Variants in SSH1 observed in about 807,000 individuals in gnomAD.
SSH1 encodes the protein slingshot protein phosphatase 1, also known as protein phosphatase Slingshot homolog 1.
In SSH1, 43 loss-of-function variants were observed where a neutral mutation model predicts 79.7. The observed-to-expected ratio is 0.54, with a 90% CI of 0.42 to 0.70. The LOEUF (loss-of-function observed/expected upper bound fraction) is 0.70, where lower values mean the gene tolerates loss of function less well. Among genes scored for constraint, SSH1 ranks in the 30% least tolerant of loss-of-function variants. The pLI is 0.00. For synonymous variants in SSH1, 599 were observed against 538.3 expected (o/e 1.11, Z -1.56); for missense variants, 1,206 against 1,358.8 (o/e 0.89, Z 1.77).
Position 108,792,504 on chromosome 12 carries a change from G to A in SSH1, c.1675C>T (p.Gln559Ter). The A allele has an allele frequency of 6.2e-7, 1 of 1,614,182 alleles. No individual in the cohort carries two copies. Among genetic ancestry groups the A allele is most frequent in the Non-Finnish European group, 8.5e-7 (1 of 1,180,034 alleles). Residue 559 changes from glutamine to a stop codon, truncating the protein, a stop_gained, in exon 14 of 15, where the codon CAA becomes TAA. Transcript: ENST00000326495. LOFTEE classifies it high-confidence loss of function. ...EVHRPARQPQ[Q>*]GSGLCEKDVK... Reference sequence around the variant, plus strand: ...TCCTTCTCACAGAGTCCGGAACCTTGCTGGGGCTGTCTGGCCGGCCTGTGC... The same window carrying A: ...TCCTTCTCACAGAGTCCGGAACCTTACTGGGGCTGTCTGGCCGGCCTGTGC...
At chr12:108,851,895 C>G (rs932270054) in intron 2 of SSH1, among the ~76,000 whole-genome samples, 1 of 151,772 alleles carries the variant, frequency 6.6e-6, no homozygotes, top group African/African-American at 2.4e-5. Flanking sequence ...GAAGAATAGT[C>G]TGCAAGAAAA....
chr12:108,786,271 G>A lies in SSH1; in HGVS notation c.*1717C>T, dbSNP rs188602392. The A allele has an allele frequency of 6.6e-6, 1 of 152,280 alleles. No homozygotes were observed. The highest frequency in any genetic ancestry group is 1.5e-5 in the Non-Finnish European group (1 of 68,066). 9.4% of individuals were successfully genotyped at this position (152,280 alleles called of 1,614,324 possible). A position where few individuals can be genotyped will look rare whatever the true frequency, so the allele number is the denominator to read the frequency against. On this transcript the variant is annotated 3_prime_UTR_variant, in exon 15 of 15. Transcript: ENST00000326495. ...CTGAGGGCAAGATGGAATTGTGGAA[G>A]AGCTTCAGCCAACTGTGTTCACCTG...
At chr12:108,797,765 C>T (rs1298670459) in intron 13 of SSH1, among the ~76,000 whole-genome samples, 4 of 152,204 alleles carry the variant, frequency 2.6e-5, no homozygotes, top group Non-Finnish European at 5.9e-5. Context: ...CTGCTTTCAT[C>T]ACTCAGTAAA....
At chr12:108,852,404 G>A (rs2039060518) in intron 2 of SSH1, among the ~76,000 whole-genome samples, 1 of 151,728 alleles carries the variant, frequency 6.6e-6, no homozygotes, top group Non-Finnish European at 1.5e-5. Context: ...AATTTTTTCT[G>A]TTTTTTTAGT....
chr12:108,814,342 T>C (rs1295103554), intron 5 of SSH1, among the ~76,000 whole-genome samples: 1 of 150,858 alleles, frequency 6.6e-6, no homozygotes, highest in Non-Finnish European at 1.5e-5. Flanking sequence ...GTAATGCTTG[T>C]CTCTTCCTTT....
At chr12:108,832,592 G>A (rs568029286) in intron 2 of SSH1, among the ~76,000 whole-genome samples, 2 of 152,304 alleles carry the variant, frequency 1.3e-5, no homozygotes, top group Admixed American at 1.3e-4. Context: ...AAGATGTAAA[G>A]GAGATCGAAA....
intron 14 of SSH1, 64 bp downstream of exon 14, chr12:108,792,222 T>C: frequency 1.9e-6 from 3 of 1,611,546 alleles, no homozygotes; most frequent in Non-Finnish European, 2.5e-6. Flanking sequence ...GAGGCTGAGG[T>C]AGGCCAATTA....
chr12:108,788,263 C>A lies in SSH1; in HGVS notation c.2875G>T (p.Glu959Ter). Residue 959 changes from glutamate to a stop codon, truncating the protein, a stop_gained, in exon 15 of 15, where the codon GAG (glutamate) becomes TAG (stop). Transcript: ENST00000326495. LOFTEE classifies it low-confidence loss of function (END_TRUNC). Reference sequence around the variant, plus strand: ...AGGCCCGCCAGCCGGAGCCGGGTCTCAATCTCCTGTGTCCGCTGCTTCACC... The same window carrying A: ...AGGCCCGCCAGCCGGAGCCGGGTCTAAATCTCCTGTGTCCGCTGCTTCACC... ...GLVKQRTQEI[E>*]TRLRLAGLTV... The A allele has an allele frequency of 6.2e-7, 1 of 1,613,826 alleles. No homozygotes were observed. Among genetic ancestry groups the A allele is most frequent in the Non-Finnish European group, 8.5e-7 (1 of 1,180,020 alleles).
intron 2 of SSH1, among the ~76,000 whole-genome samples, chr12:108,839,863 G>T (rs2038733614): frequency 6.6e-6 from 1 of 152,154 alleles, no homozygotes; most frequent in Admixed American, 6.5e-5. Flanking sequence ...AGGAAGGGCT[G>T]GCACTGAAAA....
At position 108,819,805 on chromosome 12, in the gene SSH1, G is replaced by GA. The variant is rs1355932744; in HGVS notation, c.215-1493dup. 3.3e-5 allele frequency among the ~76,000 whole-genome samples: 5 copies of GA among 151,958 alleles called. No homozygotes were observed. In the South Asian group the frequency reaches 6.2e-4, roughly 19 times the overall value. Reference sequence around the variant, plus strand: ...ACGATAAGACCCTGTCTCTACAAAGGAAAAAAAATTACTCTATACATCACA... The same window carrying GA: ...ACGATAAGACCCTGTCTCTACAAAGGAAAAAAAAATTACTCTATACATCACA... On this transcript the variant is annotated intron_variant, in intron 3 of 14. Coordinates refer to ENST00000326495, the MANE Select transcript of SSH1 (RefSeq NM_018984.4).
intron 8 of SSH1, 76 bp from the exon 9 acceptor site, chr12:108,806,470 C>CTCCTGGG: frequency 7.6e-7 from 1 of 1,312,462 alleles, no homozygotes; most frequent in Non-Finnish European, 1.1e-6. Context: ...ATGCCAGATG[C>CTCCTGGG]TCCTGGGTCT....
Position 108,807,383 on chromosome 12 carries a change from C to T in SSH1, c.731+250G>A, listed in dbSNP as rs533504875. Among the ~76,000 whole-genome samples, 2 of 152,148 alleles carry T rather than the reference C, an allele frequency of 1.3e-5. No individual in the cohort carries two copies. The highest frequency in any genetic ancestry group is 2.1e-4 in the South Asian group (1 of 4,818). On this transcript the variant is annotated intron_variant, in intron 8 of 14. Transcript: ENST00000326495. The surrounding 1 kb of genome is among the most constrained non-coding windows in gnomAD (Gnocchi z 5.2). ...AGAGTCTGATGGGAGTTACGGACCCCGTCCCCAGAAATGCATTCACCAAAT... is the reference window on the plus strand; with the variant it reads ...AGAGTCTGATGGGAGTTACGGACCCTGTCCCCAGAAATGCATTCACCAAAT...
chr12:108,806,271 G>C, intron 9 of SSH1, 30 bp downstream of exon 9: 1 of 1,599,018 alleles, frequency 6.3e-7, no homozygotes. Context: ...CATGACCTCT[G>C]ACCTGCAATG....
At chr12:108,816,186 C>T (rs1484361752) in intron 5 of SSH1, among the ~76,000 whole-genome samples, 1 of 152,180 alleles carries the variant, frequency 6.6e-6, no homozygotes, top group African/African-American at 2.4e-5. Flanking sequence ...CAGCACCTCT[C>T]GGTCACTCTC....
rs1228257764 is a variant in SSH1 at position 108,782,339 on chromosome 12, C to T, written c.*5649G>A. On this transcript the variant is annotated 3_prime_UTR_variant, in exon 15 of 15. Coordinates refer to ENST00000326495, the MANE Select transcript of SSH1 (RefSeq NM_018984.4). ...AGCAGGTTAGATGTTCTTTAGTGCACACCTCTGGCTTTACATTTCCTACTT... is the reference window on the plus strand; with the variant it reads ...AGCAGGTTAGATGTTCTTTAGTGCATACCTCTGGCTTTACATTTCCTACTT... 1 of 151,868 alleles carries T rather than the reference C, an allele frequency of 6.6e-6. No homozygotes were observed. The highest frequency in any genetic ancestry group is 2.4e-5 in the African/African-American group (1 of 41,354). 9.4% of individuals were successfully genotyped at this position (151,868 alleles called of 1,614,324 possible).
rs747522646 is a variant in SSH1, at chr12:108,792,277, T to TC, written c.1893+8dup. Reference sequence around the variant, plus strand: ...GGGTGTGCCACCCTGCAGGCCGGGCTCTGCCTACCTCCATGCCGTTGGGAC... The same window carrying TC: ...GGGTGTGCCACCCTGCAGGCCGGGCTCCTGCCTACCTCCATGCCGTTGGGAC... On this transcript the variant is annotated intron_variant, in intron 14 of 14. Transcript: ENST00000326495. 1.2e-5 allele frequency: 20 copies of TC among 1,614,160 alleles called. 1 individual carries two copies. In the South Asian group the frequency reaches 2.2e-4, roughly 18 times the overall value.
At position 108,807,601 on chromosome 12, in the gene SSH1, G is replaced by T; in HGVS notation, c.731+32C>A. The T allele has an allele frequency of 6.2e-7, 1 of 1,606,268 alleles. No homozygotes were observed. The highest frequency in any genetic ancestry group is 8.5e-7 in the Non-Finnish European group (1 of 1,174,448). On this transcript the variant is annotated intron_variant, in intron 8 of 14. Transcript: ENST00000326495. This position sits in a 1 kb window ranked among gnomAD's most constrained non-coding sequence, Gnocchi z 5.2. ...GGGAGAGGCAGGTGCCTGTGGGCTT[G>T]GGTGCGCTCACACCAGAGGCACCTC...
chr12:108,786,679 G>C lies in SSH1; in HGVS notation c.*1309C>G, dbSNP rs1262465090. The stretch of plus-strand genomic sequence containing the variant: ...AGCCTAGGTGACAGAGCCAGGCCCT[G>C]TCTTAAAGAGGAAAAACCATTCCTA... On this transcript the variant is annotated 3_prime_UTR_variant, in exon 15 of 15. Coordinates refer to ENST00000326495, the MANE Select transcript of SSH1 (RefSeq NM_018984.4). The C allele has an allele frequency of 6.6e-6, 1 of 152,240 alleles. No individual in the cohort carries two copies. Among genetic ancestry groups the C allele is most frequent in the Admixed American group, 6.5e-5 (1 of 15,282 alleles). 9.4% of individuals were successfully genotyped at this position (152,240 alleles called of 1,614,324 possible).
intron 2 of SSH1, among the ~76,000 whole-genome samples, chr12:108,847,812 G>A (rs1402500722): frequency 6.6e-6 from 1 of 152,214 alleles, no homozygotes; most frequent in Non-Finnish European, 1.5e-5. Flanking sequence ...GTCACTAAGG[G>A]ATTTGAGAGC....
Sources: allele counts gnomAD v4.1 joint callset (sites outside exome capture counted in the v4.1 genomes callset), GRCh38; gene constraint gnomAD v4.1.1; non-coding constraint Gnocchi (gnomAD v3.1); transcripts MANE v1.5; gene names NCBI Gene and HGNC (gene_info 2026-07-23, HGNC 2026-07-21).